The following WIPI2 variants were observed in gnomAD, a reference collection of about 807,000 sequenced individuals.
WIPI2 encodes WD repeat domain, phosphoinositide interacting 2.
WIPI2 carries 28 observed loss-of-function variants against 52.3 expected under a neutral mutation model. That is an observed-to-expected ratio of 0.54 (90% CI 0.40 to 0.73). The LOEUF (loss-of-function observed/expected upper bound fraction) is 0.73. Among genes scored for constraint, WIPI2 ranks in the 30% least tolerant of loss-of-function variants. The probability of loss-of-function intolerance (pLI) is 0.00; values close to 1 mark genes in which losing one functional copy is unlikely to be tolerated. For missense variants in WIPI2, 506 were observed against 602.9 expected (o/e 0.84, Z 1.68); for synonymous variants, 268 against 245.0 (o/e 1.09, Z -0.88).
At chr7:5,214,364 G>C (rs752190255) in intron 3 of WIPI2, 171 bp from the exon 4 acceptor site, 47 of 1,591,230 alleles carry the variant, frequency 3.0e-5, no homozygotes, top group Non-Finnish European at 3.8e-5. Context: ...AGCGAATCAA[G>C]ACCCTCAGAC....
intron 4 of WIPI2, 35 bp downstream of exon 4, chr7:5,214,739 G>A (rs1583570980): frequency 5.6e-6 from 9 of 1,609,412 alleles, no homozygotes; most frequent in Non-Finnish European, 7.6e-6. Context: ...GGGCTTGTCT[G>A]TTGCTCCCTC....
chr7:5,211,314 A>G (rs775982125), intron 3 of WIPI2, among the ~76,000 whole-genome samples: 3 of 152,200 alleles, frequency 2.0e-5, no homozygotes, highest in Admixed American at 6.5e-5. Context: ...TCTACTAAAA[A>G]TACAAAAATT....
chr7:5,213,592 C>G (rs1197398678), intron 3 of WIPI2, among the ~76,000 whole-genome samples: 2 of 152,230 alleles, frequency 1.3e-5, no homozygotes, highest in Non-Finnish European at 2.9e-5. Flanking sequence ...CAGCATACAG[C>G]CTAGGGGCAT....
intron 3 of WIPI2, among the ~76,000 whole-genome samples, chr7:5,203,533 C>T (rs1332141946): frequency 2.6e-5 from 4 of 151,420 alleles, no homozygotes; most frequent in Non-Finnish European, 5.9e-5. Context: ...GGAAGTTTGG[C>T]AGAAAGTGTG....
chr7:5,207,789 TGAG>T (rs1782364889), intron 3 of WIPI2, among the ~76,000 whole-genome samples: 4 of 147,196 alleles, frequency 2.7e-5, no homozygotes, highest in South Asian at 4.4e-4. Context: ...TTTTTTTTTT[TGAG>T]AGAGTCTCTG....
At chr7:5,216,960 CAAACAAGATTGTATCCAAGCTATTATTTG>C (rs1782845247) in intron 5 of WIPI2, 101 bp from the exon 6 acceptor site, 1 of 1,017,792 alleles carries the variant, frequency 9.8e-7, no homozygotes, top group East Asian at 2.6e-5. Context: ...CCTAACACAG[CAAACAAGATTGTATCCAAGCTATTATTTG>C]TTCCTAATGC....
At chr7:5,218,570 C>G (rs973816090) in intron 7 of WIPI2, 5 of 153,280 alleles carry the variant, frequency 3.3e-5, no homozygotes, top group African/African-American at 1.2e-4. Context: ...GACTTTGTTT[C>G]TAATATGTTG....
chr7:5,214,747 C>G, intron 4 of WIPI2, 43 bp downstream of exon 4: 1 of 1,603,872 alleles, frequency 6.2e-7, no homozygotes, highest in South Asian at 1.1e-5. Context: ...CTGTTGCTCC[C>G]TCCAGCACTC....
At chr7:5,212,980 C>T (rs1225173650) in intron 3 of WIPI2, 1 of 152,274 alleles carries the variant, frequency 6.6e-6, no homozygotes, top group Non-Finnish European at 1.5e-5. Context: ...TATGCACCAT[C>T]TCTTCTGAGT....
chr7:5,218,441 A>T (rs1279054329), intron 7 of WIPI2: 1 of 166,966 alleles, frequency 6.0e-6, no homozygotes, highest in Admixed American at 5.9e-5. Flanking sequence ...CAAAATTGGG[A>T]TCCTACTATG....
At chr7:5,221,965 TC>T (rs869227781) in intron 7 of WIPI2, among the ~76,000 whole-genome samples, 2,044 of 41,304 alleles carry the variant, frequency 0.049, 49 homozygotes, top group African/African-American at 0.16. Context: ...TTTTTTTTTT[TC>T]CCCCCCCGAG....
intron 2 of WIPI2, among the ~76,000 whole-genome samples, chr7:5,195,024 G>C (rs1192813507): frequency 1.3e-5 from 2 of 152,114 alleles, no homozygotes; most frequent in Non-Finnish European, 2.9e-5. Flanking sequence ...CAGTGACTCT[G>C]TCCTTCCCTA....
chr7:5,215,726 A>G (rs1316952910), intron 4 of WIPI2, among the ~76,000 whole-genome samples: 3 of 151,508 alleles, frequency 2.0e-5, no homozygotes, highest in African/African-American at 7.3e-5. Context: ...AGAATGGGAA[A>G]TTATAAGACA....
intron 3 of WIPI2, among the ~76,000 whole-genome samples, chr7:5,207,922 C>A (rs1347269619): frequency 6.6e-6 from 1 of 152,062 alleles, no homozygotes; most frequent in East Asian, 1.9e-4. Flanking sequence ...TGCACCACCA[C>A]ACCTGGCTAA....
rs1456473058 is a variant in WIPI2, at chr7:5,230,063, G to A, written c.1252+325G>A. ...GCTGGGATTATAGGCATGAGCCACC[G>A]TACCAGGCTCATTTTCTCCGTTTTT... On this transcript the variant is annotated intron_variant, in intron 12 of 12. Coordinates refer to ENST00000288828, the MANE Select transcript of WIPI2 (RefSeq NM_015610.4). The surrounding 1 kb of genome is among the most constrained non-coding windows in gnomAD (Gnocchi z 4.8). Among the ~76,000 whole-genome samples the A allele has an allele frequency of 2.0e-5, 3 of 151,466 alleles. No individual in the cohort carries two copies. Among genetic ancestry groups the A allele is most frequent in the Admixed American group, 6.6e-5 (1 of 15,164 alleles).
chr7:5,194,623 C>G (rs1781652866), intron 2 of WIPI2, among the ~76,000 whole-genome samples: 1 of 152,116 alleles, frequency 6.6e-6, no homozygotes, highest in Non-Finnish European at 1.5e-5. Context: ...TATACATTTT[C>G]TAATTTTAAA....
At chr7:5,209,869 C>A (rs947792623) in intron 3 of WIPI2, among the ~76,000 whole-genome samples, 6 of 152,124 alleles carry the variant, frequency 3.9e-5, no homozygotes, top group African/African-American at 1.4e-4. Context: ...CAGCCCCTCC[C>A]ATATTTCTAC....
chr7:5,215,499 G>A (rs760935221), intron 4 of WIPI2, among the ~76,000 whole-genome samples: 1 of 152,212 alleles, frequency 6.6e-6, no homozygotes, highest in Non-Finnish European at 1.5e-5. Flanking sequence ...TTGTGCTCAC[G>A]CCCAGGGTAA....
rs551946469 is a variant in WIPI2 at position 5,231,334 on chromosome 7, C to G, written c.*387C>G. On this transcript the variant is annotated 3_prime_UTR_variant, in exon 13 of 13. Transcript: ENST00000288828. ...TCATATCTGTACATAATGCCGAGTGCGTAAGGAAACCGTGGCGTCGCGCAC... is the reference window on the plus strand; with the variant it reads ...TCATATCTGTACATAATGCCGAGTGGGTAAGGAAACCGTGGCGTCGCGCAC... 1 of 165,286 alleles carries G rather than the reference C, an allele frequency of 6.1e-6. No individual in the cohort carries two copies. Among genetic ancestry groups the G allele is most frequent in the African/African-American group, 2.4e-5 (1 of 41,812 alleles). 10.2% of individuals were successfully genotyped at this position (165,286 alleles called of 1,614,324 possible).
Sources: allele counts gnomAD v4.1 joint callset (sites outside exome capture counted in the v4.1 genomes callset), GRCh38; gene constraint gnomAD v4.1.1; non-coding constraint Gnocchi (gnomAD v3.1); transcripts MANE v1.5; gene names NCBI Gene and HGNC (gene_info 2026-07-23, HGNC 2026-07-21).